CSPP1: variants seen among roughly 807,000 people sequenced by gnomAD.
CSPP1 encodes the protein centrosome and spindle pole-associated protein 1.
CSPP1 carries 126 observed loss-of-function variants against 164.4 expected under a neutral mutation model. That is an observed-to-expected ratio of 0.77 (90% CI 0.66 to 0.89). The LOEUF is 0.89. Ranked by LOEUF, CSPP1 falls within the 40% of genes least tolerant of loss-of-function variation. The pLI is 0.00. For missense variants in CSPP1, 1,395 were observed against 1,449.8 expected (o/e 0.96, Z 0.61); for synonymous variants, 472 against 476.7 (o/e 0.99, Z 0.13).
chr8:67,129,484 A>G (rs1156842316), intron 15 of CSPP1, among the ~76,000 whole-genome samples: 1 of 152,184 alleles, frequency 6.6e-6, no homozygotes, highest in Non-Finnish European at 1.5e-5. Context: ...TAAAAAGAAT[A>G]TGATACTGCA....
chr8:67,120,020 T>C (rs1160005817), intron 15 of CSPP1, among the ~76,000 whole-genome samples: 1 of 152,158 alleles, frequency 6.6e-6, no homozygotes, highest in Non-Finnish European at 1.5e-5. Flanking sequence ...TGTTGAGCTG[T>C]TTGAGTCATT....
At chr8:67,084,996 G>T (rs1051809545) in intron 3 of CSPP1, among the ~76,000 whole-genome samples, 3 of 151,998 alleles carry the variant, frequency 2.0e-5, no homozygotes, top group African/African-American at 7.3e-5. Flanking sequence ...CAATTCAATG[G>T]TTTTTAGTAT....
At chr8:67,087,135 G>GCA (rs201182428) in intron 4 of CSPP1, among the ~76,000 whole-genome samples, 5,318 of 152,056 alleles carry the variant, frequency 0.035, 193 homozygotes, top group African/African-American at 0.08. Flanking sequence ...CTGCAGTTAA[G>GCA]TCTGTTTTCA....
rs1429596915 is a variant in CSPP1 at position 67,190,683 on chromosome 8, A to G, written c.3254A>G (p.Asp1085Gly). The G allele has an allele frequency of 6.2e-7, 1 of 1,614,016 alleles. No homozygotes were observed. Among genetic ancestry groups the G allele is most frequent in the African/African-American group, 1.3e-5 (1 of 74,908 alleles). ...GGTGAGACATATCCTGCCATTGAAGATGACGTCCTCCCTCCACCATCACAG... is the reference window on the plus strand; with the variant it reads ...GGTGAGACATATCCTGCCATTGAAGGTGACGTCCTCCCTCCACCATCACAG... ...AYGETYPAIE[D>G]DVLPPPSQLP... is the part of the protein sequence containing the mutation. The change falls in exon 29 of 31, where the codon GAT becomes GGT. Residue 1085 changes from aspartate (D) to glycine (G), a missense_variant. Transcript: ENST00000678616.
intron 29 of CSPP1, among the ~76,000 whole-genome samples, chr8:67,192,068 T>G (rs1488147409): frequency 2.1e-5 from 3 of 144,316 alleles, no homozygotes; most frequent in Non-Finnish European, 4.5e-5. Context: ...GCTGATTTGT[T>G]TTTTTTTTTG....
intron 28 of CSPP1, among the ~76,000 whole-genome samples, chr8:67,181,113 C>T (rs1275653069): frequency 1.3e-5 from 2 of 152,006 alleles, no homozygotes; most frequent in Non-Finnish European, 2.9e-5. Context: ...TCATTGCTCA[C>T]TACAGCCTCA....
intron 2 of CSPP1, chr8:67,074,753 G>A (rs1807543433): frequency 3.5e-6 from 1 of 282,744 alleles, no homozygotes. Context: ...TGTACTATTT[G>A]TGTTTCTTAA....
intron 8 of CSPP1, among the ~76,000 whole-genome samples, chr8:67,103,636 C>G (rs1814634854): frequency 6.7e-6 from 1 of 149,290 alleles, no homozygotes; most frequent in African/African-American, 2.5e-5. Context: ...CCAGTCTCTA[C>G]TGAAAATACA....
chr8:67,141,926 T>A (rs1172137899), intron 17 of CSPP1, among the ~76,000 whole-genome samples: 17 of 152,244 alleles, frequency 1.1e-4, no homozygotes, highest in Admixed American at 1.1e-3. Flanking sequence ...CTAACTTTAA[T>A]TCTGCTGCTG....
At position 67,161,902 on chromosome 8, in the gene CSPP1, G is replaced by A. The variant is rs16933182; in HGVS notation, c.2630G>A (p.Arg877His). ...CCTCCTTCAGTTGACAGCATCATAC[G>A]TTCCTTTATTCATGTATGTACTTTT... is the stretch of plus-strand genomic sequence containing the variant. ...QRPPSVDSIIRSFIHESSMSR... is the reference protein window; with the variant it reads ...QRPPSVDSIIHSFIHESSMSR... The change falls in exon 22 of 31, where the codon CGT becomes CAT. Residue 877 changes from arginine (R) to histidine (H), a missense_variant. By Grantham distance (29) the Arg-to-His change is conservative. Transcript: ENST00000678616. 84,948 of 1,601,592 alleles carry A rather than the reference G, an allele frequency of 0.053. 5,492 individuals are homozygous for A. The highest frequency in any genetic ancestry group is 0.31 in the African/African-American group (23,061 of 74,440).
chr8:67,115,679 A>G (rs1455469367), intron 12 of CSPP1, among the ~76,000 whole-genome samples: 1 of 152,142 alleles, frequency 6.6e-6, no homozygotes, highest in Non-Finnish European at 1.5e-5. Context: ...TCAAAAATAA[A>G]TAAATAAATA....
intron 4 of CSPP1, among the ~76,000 whole-genome samples, chr8:67,090,964 G>A (rs1240546950): frequency 6.6e-6 from 1 of 152,170 alleles, no homozygotes; most frequent in African/African-American, 2.4e-5. Context: ...GTATTTGACT[G>A]CTAAGTAACA....
chr8:67,122,618 C>A (rs1348676389), intron 15 of CSPP1, among the ~76,000 whole-genome samples: 8 of 152,082 alleles, frequency 5.3e-5, no homozygotes, highest in African/African-American at 1.9e-4. Flanking sequence ...TCAGTCAGTC[C>A]TTTTTAATTT....
chr8:67,177,382 T>A (rs1276093008), intron 26 of CSPP1, among the ~76,000 whole-genome samples: 1 of 152,192 alleles, frequency 6.6e-6, no homozygotes, highest in Non-Finnish European at 1.5e-5. Context: ...ATTGTAGAAA[T>A]CTGACAAGAT....
In CSPP1 at chr8:67,103,839, CAAAA is replaced by C. The variant is rs757419585; in HGVS notation, c.1022+725_1022+728del. Among the ~76,000 whole-genome samples the C allele has an allele frequency of 1.5e-4, 9 of 59,718 alleles. No individual in the cohort carries two copies. In the South Asian group the frequency reaches 3.6e-3, roughly 24 times the overall value. 39.2% of individuals were successfully genotyped at this position (59,718 alleles called of 152,430 possible). On this transcript the variant is annotated intron_variant, in intron 8 of 30. Transcript: ENST00000678616. ...TGGGCAACAGAGCAAGACTCCCTCT[CAAAA>C]AAAAAAAAAAAAAAAAAAAATTGGA...
chr8:67,113,955 A>T, intron 11 of CSPP1, 93 bp downstream of exon 11: 1 of 715,002 alleles, frequency 1.4e-6, no homozygotes, highest in Non-Finnish European at 2.4e-6. Context: ...TGGGAGAAAA[A>T]GAGAGTAGAC....
chr8:67,183,325 A>G (rs1833510844), intron 28 of CSPP1, among the ~76,000 whole-genome samples: 1 of 152,224 alleles, frequency 6.6e-6, no homozygotes, highest in South Asian at 2.1e-4. Flanking sequence ...AGACAACTTC[A>G]TTAACAACAG....
chr8:67,190,676 A>G lies in CSPP1; in HGVS notation c.3247A>G (p.Ile1083Val), dbSNP rs1835971322. 4.3e-6 allele frequency: 7 copies of G among 1,614,024 alleles called. No individual in the cohort carries two copies. Among genetic ancestry groups the G allele is most frequent in the Non-Finnish European group, 5.9e-6 (7 of 1,180,002 alleles). The change falls in exon 29 of 31, where the codon ATT becomes GTT. Residue 1083 changes from isoleucine (I) to valine (V), a missense_variant. Coordinates refer to ENST00000678616, the MANE Select transcript of CSPP1 (RefSeq NM_001382391.1). ...IGAYGETYPA[I>V]EDDVLPPPSQ... ...GGCTTACGGTGAGACATATCCTGCC[A>G]TTGAAGATGACGTCCTCCCTCCACC...
chr8:67,164,466 A>G lies in CSPP1; in HGVS notation c.2786A>G (p.Glu929Gly), dbSNP rs1281768613. ...QLRSEERRLQ[E>G]RLLHMDSDDE... ...CGTAGTGAAGAGAGGCGTCTACAAG[A>G]GCGATTGCTACACATGGACAGTGAT... The change falls in exon 24 of 31, where the codon GAG (glutamate) becomes GGG (glycine). Residue 929 changes from glutamate (E) to glycine (G), a missense_variant. Coordinates refer to ENST00000678616, the MANE Select transcript of CSPP1 (RefSeq NM_001382391.1). The G allele has an allele frequency of 6.3e-7, 1 of 1,599,978 alleles. No individual in the cohort carries two copies. Among genetic ancestry groups the G allele is most frequent in the Non-Finnish European group, 8.6e-7 (1 of 1,167,324 alleles).
Sources: gnomAD v4.1 joint callset for allele counts (sites outside exome capture counted in the v4.1 genomes callset) on GRCh38, gnomAD v4.1.1 for gene constraint, MANE v1.5 for transcripts, NCBI Gene and HGNC (gene_info 2026-07-23, HGNC 2026-07-21) for gene names.